ZNF536: variants seen among roughly 807,000 people sequenced by gnomAD.
The protein encoded by ZNF536 is zinc finger protein 536.
A neutral mutation model predicts 84.5 loss-of-function variants in ZNF536; 13 were observed. The ratio of observed to expected loss-of-function variants is 0.15; its 90% confidence interval spans 0.10 to 0.24. ZNF536 has a LOEUF of 0.24. Ranked by LOEUF, ZNF536 falls within the 10% of genes least tolerant of loss-of-function variation. The pLI, the probability that ZNF536 is intolerant of heterozygous loss-of-function variation, is 1.00. For missense variants in ZNF536, 1,536 were observed against 1,747.5 expected, an observed-to-expected ratio of 0.88 and a Z score of 2.16; for synonymous variants, 811 against 742.5, an observed-to-expected ratio of 1.09 and a Z score of -1.50.
Position 30,548,978 on chromosome 19 carries a change from G to A in ZNF536, c.3359G>A (p.Gly1120Asp), listed in dbSNP as rs1249204549. Residue 1120 changes from glycine to aspartate, a missense_variant, in exon 4 of 5, where the codon GGC (glycine) becomes GAC (aspartate). By Grantham distance (94) the Gly-to-Asp change is moderately conservative. Coordinates refer to ENST00000355537, the MANE Select transcript of ZNF536 (RefSeq NM_014717.3). Reference protein sequence around the residue: ...DFYKQFGVYPGMVGSGASSSC... With the variant: ...DFYKQFGVYPDMVGSGASSSC... ...TACAAGCAGTTTGGTGTTTACCCAGGCATGGTTGGCTCAGGGGCCTCCAGT... is the reference window on the plus strand; with the variant it reads ...TACAAGCAGTTTGGTGTTTACCCAGACATGGTTGGCTCAGGGGCCTCCAGT... The A allele has an allele frequency of 6.2e-7, 1 of 1,614,104 alleles. No individual in the cohort carries two copies. Among genetic ancestry groups the A allele is most frequent in the Non-Finnish European group, 8.5e-7 (1 of 1,180,028 alleles).
At chr19:30,543,668 G>A (rs2045426801) in intron 3 of ZNF536, among the ~76,000 whole-genome samples, 1 of 152,186 alleles carries the variant, frequency 6.6e-6, no homozygotes, top group Non-Finnish European at 1.5e-5. Flanking sequence ...TGCCTGTGCC[G>A]GCCAAATGAA....
At chr19:30,584,375 G>GT (rs1320952604) in intron 1 of ZNF536, among the ~76,000 whole-genome samples, 1 of 152,230 alleles carries the variant, frequency 6.6e-6, no homozygotes, top group Non-Finnish European at 1.5e-5. Flanking sequence ...TAAGAAAGCT[G>GT]TTAGTGAAGG....
chr19:30,396,151 C>G (rs2049806689), intron 1 of ZNF536, among the ~76,000 whole-genome samples: 1 of 152,172 alleles, frequency 6.6e-6, no homozygotes, highest in African/African-American at 2.4e-5. Context: ...AAAAAAATGA[C>G]TTCTCACCAA....
At chr19:30,683,261 A>T (rs1600253428) in intron 1 of ZNF536, among the ~76,000 whole-genome samples, 1 of 152,244 alleles carries the variant, frequency 6.6e-6, no homozygotes, top group East Asian at 1.9e-4. Flanking sequence ...TTTGAACAAT[A>T]GTTTCTGCCT....
intron 2 of ZNF536, among the ~76,000 whole-genome samples, chr19:30,303,506 CT>C (rs34351280): frequency 0.32 from 47,083 of 145,364 alleles, 9,546 homozygotes; most frequent in Non-Finnish European, 0.47. Context: ...CTTTTTGACA[CT>C]TTTTTTTTTT....
intron 1 of ZNF536, among the ~76,000 whole-genome samples, chr19:30,700,297 C>T (rs1371412177): frequency 6.9e-6 from 1 of 145,732 alleles, no homozygotes; most frequent in African/African-American, 2.6e-5. Flanking sequence ...TCCCTCCCTC[C>T]TTCCCTCTCC....
intron 1 of ZNF536, among the ~76,000 whole-genome samples, chr19:30,623,533 T>A (rs1445900480): frequency 6.6e-6 from 1 of 152,214 alleles, no homozygotes; most frequent in African/African-American, 2.4e-5. Flanking sequence ...GGCCTCCTTG[T>A]TGTGCTCAGG....
At chr19:30,596,870 A>AAG (rs898424940) in intron 1 of ZNF536, among the ~76,000 whole-genome samples, 2 of 151,678 alleles carry the variant, frequency 1.3e-5, no homozygotes, top group Admixed American at 1.3e-4. Flanking sequence ...AAAAAAAAAA[A>AAG]AGTCCTTCCT....
intron 1 of ZNF536, among the ~76,000 whole-genome samples, chr19:30,230,923 T>C (rs1269670745): frequency 6.6e-6 from 1 of 151,598 alleles, no homozygotes; most frequent in African/African-American, 2.4e-5. Context: ...GTGCCTTGAA[T>C]GGAGGGGGAA....
At chr19:30,467,241 G>A (rs1211117048) in intron 2 of ZNF536, among the ~76,000 whole-genome samples, 1 of 152,106 alleles carries the variant, frequency 6.6e-6, no homozygotes, top group Non-Finnish European at 1.5e-5. Flanking sequence ...TGGCAAAACT[G>A]ACACTCTGTA....
intron 1 of ZNF536, among the ~76,000 whole-genome samples, chr19:30,281,912 AG>A (rs771115981): frequency 1.3e-5 from 2 of 152,144 alleles, no homozygotes; most frequent in Non-Finnish European, 2.9e-5. Flanking sequence ...TGTGGGGGAC[AG>A]GGCAAGGGGA....
chr19:30,488,691 G>T (rs991629141), intron 2 of ZNF536, among the ~76,000 whole-genome samples: 2 of 152,134 alleles, frequency 1.3e-5, no homozygotes, highest in Non-Finnish European at 2.9e-5. Context: ...GCAGAGGGCG[G>T]GTTGAGGGGT....
intron 1 of ZNF536, among the ~76,000 whole-genome samples, chr19:30,663,985 AT>A (rs199707102): frequency 0.021 from 3,121 of 152,076 alleles, 36 homozygotes; most frequent in Middle Eastern, 0.034. Context: ...CTGGCTGCCA[AT>A]TTTTTTTCTA....
At chr19:30,472,536 C>T (rs574495171) in intron 2 of ZNF536, among the ~76,000 whole-genome samples, 6 of 152,242 alleles carry the variant, frequency 3.9e-5, no homozygotes, top group East Asian at 3.9e-4. Context: ...CTGGTTTACA[C>T]GTGATGGAGG....
intron 1 of ZNF536, among the ~76,000 whole-genome samples, chr19:30,642,465 C>T (rs1363241031): frequency 6.6e-6 from 1 of 152,150 alleles, no homozygotes; most frequent in Non-Finnish European, 1.5e-5. Flanking sequence ...GAGAAAGTCA[C>T]TGCCAGGACC....
At chr19:30,367,137 C>T (rs2048460805) in intron 3 of ZNF536, among the ~76,000 whole-genome samples, 1 of 152,214 alleles carries the variant, frequency 6.6e-6, no homozygotes, top group South Asian at 2.1e-4. Flanking sequence ...GCCCCTTTTC[C>T]ATGGAAGAAA....
intron 1 of ZNF536, among the ~76,000 whole-genome samples, chr19:30,616,285 C>T (rs1305208491): frequency 6.6e-6 from 1 of 152,156 alleles, no homozygotes; most frequent in African/African-American, 2.4e-5. Context: ...AGCATTTCAG[C>T]ATCGAGCATC....
intron 1 of ZNF536, among the ~76,000 whole-genome samples, chr19:30,613,082 C>T (rs950028697): frequency 3.3e-5 from 5 of 152,142 alleles, no homozygotes; most frequent in South Asian, 2.1e-4. Context: ...TCAATTGTAC[C>T]AAAGATGCCA....
At chr19:30,663,614 T>A (rs946490731) in intron 1 of ZNF536, among the ~76,000 whole-genome samples, 7 of 152,244 alleles carry the variant, frequency 4.6e-5, no homozygotes, top group Non-Finnish European at 5.9e-5. Context: ...CTGTTTCTAA[T>A]CTATTTTTAC....
Sources: allele counts gnomAD v4.1 joint callset (sites outside exome capture counted in the v4.1 genomes callset), GRCh38; gene constraint gnomAD v4.1.1; transcripts MANE v1.5; gene names NCBI Gene and HGNC (gene_info 2026-07-23, HGNC 2026-07-21).